Variants in PCDHGB2 observed in about 807,000 individuals in gnomAD.
PCDHGB2 encodes the protein protocadherin gamma subfamily B, 2, also known as protocadherin gamma-B2.
Under a neutral mutation model 59.3 loss-of-function variants are expected in PCDHGB2, and 55 were observed. The observed-to-expected ratio is 0.93, with a 90% CI of 0.75 to 1.16. The LOEUF is 1.16. Among genes scored for constraint, PCDHGB2 ranks in the 50% most tolerant of loss-of-function variants. PCDHGB2 has a pLI of 0.00. For missense variants in PCDHGB2, 1,228 were observed against 1,198.5 expected (o/e 1.02, Z -0.36); for synonymous variants, 516 against 512.0 (o/e 1.01, Z -0.11).
Position 141,432,388 on chromosome 5 carries a change from C to T in PCDHGB2, c.2422-62419C>T. The T allele has an allele frequency of 6.2e-7, 1 of 1,614,258 alleles. No homozygotes were observed. The highest frequency in any genetic ancestry group is 2.2e-5 in the East Asian group (1 of 44,892). The stretch of plus-strand genomic sequence containing the variant: ...GGGACAACGGGCACCCGCCCCTCAG[C>T]AGCAACGTGTCGTTGAGCCTGTTCG... On this transcript the variant is annotated intron_variant, in intron 1 of 3. Transcript: ENST00000522605. This position sits in a 1 kb window ranked among gnomAD's most constrained non-coding sequence, Gnocchi z 6.0.
intron 1 of PCDHGB2, among the ~76,000 whole-genome samples, chr5:141,492,490 G>C (rs2099741140): frequency 6.6e-6 from 1 of 152,208 alleles, no homozygotes; most frequent in Non-Finnish European, 1.5e-5. Context: ...CCAGGACCAG[G>C]CGAGGACTCC....
At chr5:141,422,934 C>T in intron 1 of PCDHGB2, 1 of 1,614,254 alleles carries the variant, frequency 6.2e-7, no homozygotes, top group Non-Finnish European at 8.5e-7. Context: ...CTGCCCTCCC[C>T]ACAGACGGCT....
chr5:141,453,266 A>G (rs1322091044), intron 1 of PCDHGB2, among the ~76,000 whole-genome samples: 4 of 151,838 alleles, frequency 2.6e-5, no homozygotes. Flanking sequence ...AGTGCACACC[A>G]CCATGACTGG....
At chr5:141,389,855 G>GAGAGC (rs2091946783) in intron 1 of PCDHGB2, 1 of 1,613,942 alleles carries the variant, frequency 6.2e-7, no homozygotes, top group Non-Finnish European at 8.5e-7. Flanking sequence ...CCACTGCCAC[G>GAGAGC]TTGCACCTGG....
intron 1 of PCDHGB2, chr5:141,410,783 T>C (rs2095423369): frequency 1.1e-6 from 1 of 919,042 alleles, no homozygotes; most frequent in East Asian, 2.7e-5. Flanking sequence ...ACTATGTATT[T>C]GGTTCATAAG....
At chr5:141,386,663 G>A (rs532080624) in intron 1 of PCDHGB2, among the ~76,000 whole-genome samples, 7 of 151,932 alleles carry the variant, frequency 4.6e-5, no homozygotes, top group Non-Finnish European at 1.0e-4. Flanking sequence ...GTTCTGCAGT[G>A]TTCACATTTC....
chr5:141,461,845 C>CA (rs2099025049), intron 1 of PCDHGB2, among the ~76,000 whole-genome samples: 1 of 151,000 alleles, frequency 6.6e-6, no homozygotes. Context: ...TTTTTTGAGA[C>CA]AGAGTTTTGC....
intron 1 of PCDHGB2, chr5:141,433,288 G>A (rs2097582001): frequency 5.3e-6 from 6 of 1,136,424 alleles, no homozygotes; most frequent in Non-Finnish European, 7.5e-6. Flanking sequence ...CAAACTCCTA[G>A]GCTCAAGCAA....
At chr5:141,444,672 A>G (rs990955921) in intron 1 of PCDHGB2, among the ~76,000 whole-genome samples, 2 of 152,086 alleles carry the variant, frequency 1.3e-5, no homozygotes, top group Non-Finnish European at 2.9e-5. Flanking sequence ...ATTTTTTTCA[A>G]TACCATTTAT....
At chr5:141,365,482 C>T (rs1158935683) in intron 1 of PCDHGB2, 2 of 1,613,836 alleles carry the variant, frequency 1.2e-6, no homozygotes, top group Non-Finnish European at 1.7e-6. Context: ...AGATTGCATG[C>T]TCTATTCCTA....
Position 141,462,070 on chromosome 5 carries a change from G to A in PCDHGB2, c.2422-32737G>A, listed in dbSNP as rs572217894. Among the ~76,000 whole-genome samples the A allele has an allele frequency of 2.6e-5, 4 of 152,196 alleles. No homozygotes were observed. In the East Asian group the frequency reaches 7.7e-4, roughly 29 times the overall value. Reference sequence around the variant, plus strand: ...ACTCCCGACCTCAGGTGATCTGCCCGCCTTGGCCTCCCAAAATGCTGGGAT... The same window carrying A: ...ACTCCCGACCTCAGGTGATCTGCCCACCTTGGCCTCCCAAAATGCTGGGAT... On this transcript the variant is annotated intron_variant, in intron 1 of 3. Transcript: ENST00000522605.
Position 141,489,363 on chromosome 5 carries a change from G to A in PCDHGB2, c.2422-5444G>A, listed in dbSNP as rs767837736. On this transcript the variant is annotated intron_variant, in intron 1 of 3. Transcript: ENST00000522605. This position sits in a 1 kb window ranked among gnomAD's most constrained non-coding sequence, Gnocchi z 4.5. ...ACTCAGTGGTGGAGGAGTCTGAGCC[G>A]GGGACGCTGGTGGGGAATGTTGCTC... 46 of 1,613,114 alleles carry A rather than the reference G, an allele frequency of 2.9e-5. 1 individual carries two copies. In the South Asian group the frequency reaches 3.4e-4, roughly 12 times the overall value.
chr5:141,400,363 T>C (rs1271706599), intron 1 of PCDHGB2: 1 of 1,613,958 alleles, frequency 6.2e-7, no homozygotes, highest in Non-Finnish European at 8.5e-7. Flanking sequence ...GACTTTGCCT[T>C]ATTCCTACAA....
intron 1 of PCDHGB2, among the ~76,000 whole-genome samples, chr5:141,460,793 A>T (rs954317795): frequency 2.0e-4 from 30 of 152,024 alleles, no homozygotes; most frequent in Non-Finnish European, 2.9e-5. Flanking sequence ...TATACACACA[A>T]AGTATATATA....
At chr5:141,374,130 T>A (rs368568776) in intron 1 of PCDHGB2, 2 of 1,604,204 alleles carry the variant, frequency 1.2e-6, no homozygotes, top group Middle Eastern at 1.7e-4. Context: ...CAGGTCCTGC[T>A]CCTCACGCTC....
At chr5:141,400,769 T>C (rs2094071773) in intron 1 of PCDHGB2, 2 of 575,796 alleles carry the variant, frequency 3.5e-6, no homozygotes, top group Admixed American at 3.4e-5. Flanking sequence ...GCAAAAACAT[T>C]TGGTGCGTTT....
intron 1 of PCDHGB2, chr5:141,417,577 C>A: frequency 2.3e-6 from 1 of 439,676 alleles, no homozygotes; most frequent in Non-Finnish European, 4.0e-6. Flanking sequence ...AAGTTGCAGT[C>A]CCACACAGAG....
At chr5:141,394,009 GTAATTATTATAGA>G (rs780846520) in intron 1 of PCDHGB2, 1 of 1,613,394 alleles carries the variant, frequency 6.2e-7, no homozygotes, top group Non-Finnish European at 8.5e-7. Context: ...AAGTCAATAG[GTAATTATTATAGA>G]TTAGTGACAA....
intron 1 of PCDHGB2, chr5:141,395,849 C>G (rs1173151406): frequency 6.6e-6 from 1 of 152,094 alleles, no homozygotes; most frequent in African/African-American, 2.4e-5. Flanking sequence ...GGAGATGAGA[C>G]TGGTTACTAA....
Sources: allele counts gnomAD v4.1 joint callset (sites outside exome capture counted in the v4.1 genomes callset), GRCh38; gene constraint gnomAD v4.1.1; non-coding constraint Gnocchi (gnomAD v3.1); transcripts MANE v1.5; gene names NCBI Gene and HGNC (gene_info 2026-07-23, HGNC 2026-07-21).